The following LRP6 variants were observed in gnomAD, a reference collection of about 807,000 sequenced individuals.
LRP6 encodes the protein low-density lipoprotein receptor-related protein 6.
A neutral mutation model predicts 184.1 loss-of-function variants in LRP6; 43 were observed. The ratio of observed to expected loss-of-function variants is 0.23; its 90% CI spans 0.18 to 0.30. The LOEUF is 0.30. Among genes scored for constraint, LRP6 ranks in the 10% least tolerant of loss-of-function variants. The pLI, the probability that LRP6 is intolerant of heterozygous loss-of-function variation, is 1.00. For synonymous variants in LRP6, 719 were observed against 684.9 expected, an observed-to-expected ratio of 1.05 and a Z score of -0.78; for missense variants, 1,571 against 2,005.3, an observed-to-expected ratio of 0.78 and a Z score of 4.14.
chr12:12,207,825 G>A (rs965777244), intron 2 of LRP6, among the ~76,000 whole-genome samples: 1 of 152,098 alleles, frequency 6.6e-6, no homozygotes, highest in African/African-American at 2.4e-5. Context: ...ACCATAAACA[G>A]GTCCACAGGA....
intron 3 of LRP6, among the ~76,000 whole-genome samples, chr12:12,199,399 G>A (rs1863855452): frequency 6.6e-6 from 1 of 152,042 alleles, no homozygotes; most frequent in Non-Finnish European, 1.5e-5. Flanking sequence ...TAGGAAAAAA[G>A]GAGCTATTAC....
chr12:12,128,260 G>A (rs553409078), intron 19 of LRP6, among the ~76,000 whole-genome samples: 2 of 152,230 alleles, frequency 1.3e-5, no homozygotes, highest in South Asian at 4.2e-4. Context: ...ATTCTTCCAA[G>A]ATACCACTCT....
chr12:12,200,832 C>A (rs570564693), intron 3 of LRP6, among the ~76,000 whole-genome samples: 2 of 152,210 alleles, frequency 1.3e-5, no homozygotes, highest in African/African-American at 4.8e-5. Flanking sequence ...CCTGCTTCCA[C>A]GTCATTTATA....
At chr12:12,164,232 C>T in intron 9 of LRP6, 41 bp downstream of exon 9, 1 of 1,581,600 alleles carries the variant, frequency 6.3e-7, no homozygotes, top group Non-Finnish European at 8.7e-7. Flanking sequence ...GAAGTTCTCC[C>T]TTTTAGTCCC....
intron 15 of LRP6, among the ~76,000 whole-genome samples, chr12:12,145,482 G>A (rs928167055): frequency 6.6e-6 from 1 of 151,690 alleles, no homozygotes; most frequent in African/African-American, 2.4e-5. Flanking sequence ...ATACTGACAT[G>A]TATGTCTGTT....
At chr12:12,181,639 G>A (rs114599265) in intron 5 of LRP6, among the ~76,000 whole-genome samples, 200 bp from the exon 6 acceptor site, 3 of 152,266 alleles carry the variant, frequency 2.0e-5, no homozygotes, top group Non-Finnish European at 2.9e-5. Context: ...GCTGTTTAAT[G>A]GCTAACTCTC....
chr12:12,187,954 G>A (rs1863517791), intron 3 of LRP6, among the ~76,000 whole-genome samples: 8 of 152,166 alleles, frequency 5.3e-5, no homozygotes, highest in Admixed American at 5.2e-4. Context: ...GCTCACGTCT[G>A]TAATCCCAGC....
Position 12,152,605 on chromosome 12 carries a change from T to C in LRP6, c.2792-1567A>G, listed in dbSNP as rs546518615. 7.9e-5 allele frequency among the ~76,000 whole-genome samples: 12 copies of C among 152,290 alleles called. No homozygotes were observed. The East Asian group carries it at 2.3e-3, about 29-fold the overall frequency. On this transcript the variant is annotated intron_variant, in intron 12 of 22. Coordinates refer to ENST00000261349, the MANE Select transcript of LRP6 (RefSeq NM_002336.3). ...TGGCCAAGAATGACTTCTGGGAGAC[T>C]ACCAACAACTTCAAAGTCTAAGGCC... is the stretch of plus-strand genomic sequence containing the variant.
intron 2 of LRP6, among the ~76,000 whole-genome samples, chr12:12,209,419 CAA>C (rs1329306681): frequency 1.3e-5 from 2 of 152,168 alleles, no homozygotes; most frequent in South Asian, 2.1e-4. Flanking sequence ...AAAAATAAAT[CAA>C]GTCATGTTTT....
intron 2 of LRP6, among the ~76,000 whole-genome samples, chr12:12,229,401 A>T (rs1410869821): frequency 6.7e-6 from 1 of 149,142 alleles, no homozygotes; most frequent in African/African-American, 2.4e-5. Flanking sequence ...GAAGAAGAAG[A>T]ATATCTCACA....
At chr12:12,145,777 G>A (rs1027587691) in intron 15 of LRP6, among the ~76,000 whole-genome samples, 94 of 151,644 alleles carry the variant, frequency 6.2e-4, no homozygotes, top group African/African-American at 2.0e-3. Context: ...GATTACAGGT[G>A]CCCACCACCA....
intron 2 of LRP6, among the ~76,000 whole-genome samples, chr12:12,230,250 C>T (rs937313597): frequency 7.2e-5 from 11 of 152,136 alleles, no homozygotes; most frequent in African/African-American, 2.4e-4. Flanking sequence ...ACACACAAGC[C>T]ATTTTATACA....
chr12:12,239,844 CA>C (rs1865016739), intron 2 of LRP6, among the ~76,000 whole-genome samples: 2 of 152,090 alleles, frequency 1.3e-5, no homozygotes, highest in African/African-American at 4.8e-5. Context: ...AGTTATACTA[CA>C]ACTACTCCCC....
chr12:12,228,545 G>A lies in LRP6; in HGVS notation c.449+15717C>T, dbSNP rs543201006. Among the ~76,000 whole-genome samples, 185 of 152,324 alleles carry A rather than the reference G, an allele frequency of 1.2e-3. 1 individual carries two copies. In the South Asian group the frequency reaches 0.014, roughly 11 times the overall value. On this transcript the variant is annotated intron_variant, in intron 2 of 22. Transcript: ENST00000261349. The stretch of plus-strand genomic sequence containing the variant: ...TCCTCAAGCCCCAGGCTGTGGACCA[G>A]TAGCAGTCAGTGGCCTGCTAGGAAC...
intron 2 of LRP6, chr12:12,226,862 G>T (rs1864639539): frequency 6.6e-6 from 1 of 151,954 alleles, no homozygotes; most frequent in African/African-American, 2.4e-5. Flanking sequence ...AATACAGAAA[G>T]AGAAAATATT....
Position 12,202,458 on chromosome 12 carries a change from G to A in LRP6, c.647+745C>T, listed in dbSNP as rs117686160. Among the ~76,000 whole-genome samples, 786 of 152,280 alleles carry A rather than the reference G, an allele frequency of 5.2e-3. 20 individuals are homozygous for A. The South Asian group carries it at 0.067, about 13-fold the overall frequency. Reference sequence around the variant, plus strand: ...CTCGGAAGGCTGAGGCAGGAAGATCGCTTGAGCCCAGGAGACAGAGGTTGC... The same window carrying A: ...CTCGGAAGGCTGAGGCAGGAAGATCACTTGAGCCCAGGAGACAGAGGTTGC... On this transcript the variant is annotated intron_variant, in intron 3 of 22. Transcript: ENST00000261349.
chr12:12,267,031 C>A lies in LRP6; in HGVS notation c.-296G>T. The A allele has an allele frequency of 2.2e-6, 1 of 462,028 alleles. No individual in the cohort carries two copies. Among genetic ancestry groups the A allele is most frequent in the Non-Finnish European group, 3.8e-6 (1 of 261,618 alleles). 28.6% of individuals were successfully genotyped at this position (462,028 alleles called of 1,614,324 possible). A position where few individuals can be genotyped will look rare whatever the true frequency, so the allele number is the denominator to read the frequency against. On this transcript the variant is annotated 5_prime_UTR_variant, in exon 1 of 23. Coordinates refer to ENST00000261349, the MANE Select transcript of LRP6 (RefSeq NM_002336.3). ...CTCATTCAGCCTCTGCCTCGCGCAG[C>A]GGCGCAGGGATACGGTCGGCACCGC...
intron 16 of LRP6, among the ~76,000 whole-genome samples, chr12:12,137,570 T>C (rs560488580): frequency 3.1e-4 from 47 of 152,304 alleles, no homozygotes; most frequent in African/African-American, 1.1e-3. Flanking sequence ...TAATTTTTAG[T>C]TTGTTTTGCC....
rs183136233 is a variant in LRP6, at chr12:12,135,376, G to A, written c.3608-76C>T. On this transcript the variant is annotated intron_variant, in intron 16 of 22. Transcript: ENST00000261349. The stretch of plus-strand genomic sequence containing the variant: ...GAGAAGTGGGAGAGAAGAGAAAAAG[G>A]GACAACCCTGTCAAAACTATTTATG... 1,349 of 954,704 alleles carry A rather than the reference G, an allele frequency of 1.4e-3. 4 individuals carry two copies. Among genetic ancestry groups the A allele is most frequent in the Non-Finnish European group, 2.0e-3 (1,218 of 594,590 alleles). 59.1% of individuals were successfully genotyped at this position (954,704 alleles called of 1,614,324 possible). A position where few individuals can be genotyped will look rare whatever the true frequency, so the allele number is the denominator to read the frequency against.
Sources: allele counts gnomAD v4.1 joint callset (sites outside exome capture counted in the v4.1 genomes callset), GRCh38; gene constraint gnomAD v4.1.1; transcripts MANE v1.5; gene names NCBI Gene and HGNC (gene_info 2026-07-23, HGNC 2026-07-21).